Variants in NRXN3 observed in about 807,000 individuals in gnomAD.
The protein encoded by NRXN3 is neurexin 3, also known as neurexin III.
Under a neutral mutation model 137.6 loss-of-function variants are expected in NRXN3, and 32 were observed. The observed-to-expected ratio is 0.23, with a 90% CI of 0.18 to 0.31. The LOEUF (loss-of-function observed/expected upper bound fraction) is 0.31. NRXN3 is among the 10% of genes least tolerant of loss of function. The pLI is 1.00. For synonymous variants in NRXN3, 798 were observed against 784.5 expected (o/e 1.02, Z -0.29); for missense variants, 1,574 against 2,062.5 (o/e 0.76, Z 4.59).
At chr14:78,677,878 A>G (rs1430315416) in intron 6 of NRXN3, among the ~76,000 whole-genome samples, 1 of 152,190 alleles carries the variant, frequency 6.6e-6, no homozygotes, top group Non-Finnish European at 1.5e-5. Context: ...CAAAAAGATT[A>G]CATCTCACTG....
intron 20 of NRXN3, among the ~76,000 whole-genome samples, chr14:79,853,052 G>A (rs2099395161): frequency 6.6e-6 from 1 of 152,050 alleles, no homozygotes; most frequent in Non-Finnish European, 1.5e-5. Flanking sequence ...AATTAGCCTG[G>A]TCTCATTGCC....
chr14:78,238,470 G>A (rs1477119675), intron 1 of NRXN3, among the ~76,000 whole-genome samples: 1 of 152,186 alleles, frequency 6.6e-6, no homozygotes, highest in Non-Finnish European at 1.5e-5. Flanking sequence ...CATTTCTTGA[G>A]TCTAGCATGC....
chr14:78,443,957 A>G (rs369898197), intron 4 of NRXN3, among the ~76,000 whole-genome samples: 69 of 152,336 alleles, frequency 4.5e-4, no homozygotes, highest in African/African-American at 1.5e-3. Flanking sequence ...AAAGGCAAAA[A>G]CAGCAATGAC....
In NRXN3 at chr14:78,831,534, C is replaced by CAA. The variant is rs372852083; in HGVS notation, c.2275+21216_2275+21217dup. On this transcript the variant is annotated intron_variant, in intron 10 of 20. Coordinates refer to ENST00000335750, the MANE Select transcript of NRXN3 (RefSeq NM_001330195.2). ...TGGGTGACAGAGGGAGACTCCATGT[C>CAA]AAAAAAAAAAAAAAAAAAAAAAAAA... 6.1e-3 allele frequency among the ~76,000 whole-genome samples: 354 copies of CAA among 58,192 alleles called. 37 individuals carry two copies. The highest frequency in any genetic ancestry group is 0.024 in the African/African-American group (276 of 11,660). The allele number at this position is 58,192 out of a possible 152,430, so 38.2% of individuals were successfully genotyped here. A position where few individuals can be genotyped will look rare whatever the true frequency, so the allele number is the denominator to read the frequency against.
intron 16 of NRXN3, among the ~76,000 whole-genome samples, chr14:79,516,561 G>A (rs1287376697): frequency 6.6e-6 from 1 of 152,070 alleles, no homozygotes; most frequent in Non-Finnish European, 1.5e-5. Flanking sequence ...AATTCAGTGT[G>A]CTTTTTAAAT....
intron 15 of NRXN3, among the ~76,000 whole-genome samples, chr14:79,019,888 T>A (rs948591667): frequency 1.3e-5 from 2 of 151,888 alleles, no homozygotes. Context: ...GAGAGAGAAA[T>A]GGATTGAAAG....
intron 5 of NRXN3, among the ~76,000 whole-genome samples, chr14:78,645,811 T>C (rs528339373): frequency 6.6e-6 from 1 of 152,352 alleles, no homozygotes; most frequent in East Asian, 1.9e-4. Flanking sequence ...ATTTTCCTCA[T>C]TCTTTGAATA....
At chr14:79,655,578 CT>C (rs958655018) in intron 16 of NRXN3, among the ~76,000 whole-genome samples, 1 of 152,088 alleles carries the variant, frequency 6.6e-6, no homozygotes, top group East Asian at 1.9e-4. Flanking sequence ...GAATGTTTTT[CT>C]TTTTTTTCAT....
At chr14:78,245,786 G>A (rs1033021014) in intron 2 of NRXN3, among the ~76,000 whole-genome samples, 1 of 152,142 alleles carries the variant, frequency 6.6e-6, no homozygotes, top group African/African-American at 2.4e-5. Context: ...CTCCCTTCCT[G>A]TGGGTGGGCT....
chr14:79,375,246 T>G, intron 15 of NRXN3, among the ~76,000 whole-genome samples: 1 of 151,154 alleles, frequency 6.6e-6, no homozygotes, highest in Non-Finnish European at 1.5e-5. Flanking sequence ...TTTTTTTTTT[T>G]TTTTTCCTTA....
chr14:79,782,357 G>T (rs2140119098), intron 19 of NRXN3, among the ~76,000 whole-genome samples: 1 of 152,264 alleles, frequency 6.6e-6, no homozygotes. Flanking sequence ...ACCTGAGCTT[G>T]GTTCTGTCTT....
intron 15 of NRXN3, among the ~76,000 whole-genome samples, chr14:79,004,911 A>C (rs529322659): frequency 1.3e-5 from 2 of 152,278 alleles, no homozygotes; most frequent in South Asian, 4.1e-4. Context: ...TCAGGATGTA[A>C]AAAATACTCT....
chr14:78,800,979 A>T (rs2098836988), intron 8 of NRXN3, among the ~76,000 whole-genome samples: 1 of 152,212 alleles, frequency 6.6e-6, no homozygotes, highest in Admixed American at 6.5e-5. Context: ...TAACCATTTT[A>T]AAAATTATAT....
intron 4 of NRXN3, among the ~76,000 whole-genome samples, chr14:78,479,385 T>C (rs2095434958): frequency 1.3e-5 from 2 of 152,216 alleles, no homozygotes; most frequent in Admixed American, 6.5e-5. Context: ...GAGTTTCTGA[T>C]TCATTAGATC....
intron 15 of NRXN3, among the ~76,000 whole-genome samples, chr14:79,328,227 G>A (rs1179800631): frequency 6.6e-6 from 1 of 152,198 alleles, no homozygotes; most frequent in Non-Finnish European, 1.5e-5. Flanking sequence ...AGGTAAGCAT[G>A]TTTCATTCTC....
In NRXN3 at chr14:79,456,584, G is replaced by A. The variant is rs139259248; in HGVS notation, c.3263-10637G>A. ...TCTACTAAAAATACAAAAATTATCCGAGCATAGTGGCGGGTGCCTGTAATC... is the reference window on the plus strand; with the variant it reads ...TCTACTAAAAATACAAAAATTATCCAAGCATAGTGGCGGGTGCCTGTAATC... On this transcript the variant is annotated intron_variant, in intron 15 of 20. Transcript: ENST00000335750. 4.3e-4 allele frequency among the ~76,000 whole-genome samples: 65 copies of A among 152,144 alleles called. No individual in the cohort carries two copies. The East Asian group carries it at 7.2e-3, about 17-fold the overall frequency.
chr14:79,325,893 T>A (rs946290813), intron 15 of NRXN3, among the ~76,000 whole-genome samples: 1 of 152,160 alleles, frequency 6.6e-6, no homozygotes, highest in Non-Finnish European at 1.5e-5. Flanking sequence ...TTGAGATATA[T>A]AGTAGCTCTT....
intron 19 of NRXN3, among the ~76,000 whole-genome samples, chr14:79,749,008 T>A (rs2098988505): frequency 6.6e-6 from 1 of 152,182 alleles, no homozygotes; most frequent in African/African-American, 2.4e-5. Context: ...GTATTTTTTT[T>A]AATATTGTGA....
At chr14:78,265,856 A>G (rs1326201147) in intron 2 of NRXN3, among the ~76,000 whole-genome samples, 1 of 152,200 alleles carries the variant, frequency 6.6e-6, no homozygotes, top group East Asian at 1.9e-4. Flanking sequence ...AATGATAATT[A>G]ATTAGTTGCT....
Sources: gnomAD v4.1 joint callset for allele counts (sites outside exome capture counted in the v4.1 genomes callset) on GRCh38, gnomAD v4.1.1 for gene constraint, MANE v1.5 for transcripts, NCBI Gene and HGNC (gene_info 2026-07-23, HGNC 2026-07-21) for gene names.